The following DOCK7 variants were observed in gnomAD, a reference collection of about 807,000 sequenced individuals.
The protein encoded by DOCK7 is dedicator of cytokinesis protein 7.
DOCK7 carries 138 observed loss-of-function variants against 271.0 expected under a neutral mutation model. The observed-to-expected ratio is 0.51, with a 90% confidence interval of 0.44 to 0.59. The LOEUF is 0.59. Ranked by LOEUF, DOCK7 falls within the 20% of genes least tolerant of loss-of-function variation. The probability of loss-of-function intolerance (pLI) is 0.00; values close to 1 mark genes in which losing one functional copy is unlikely to be tolerated. For synonymous variants in DOCK7, 823 were observed against 876.1 expected (o/e 0.94, Z 1.07); for missense variants, 2,066 against 2,592.4 (o/e 0.80, Z 4.41).
intron 41 of DOCK7, 172 bp downstream of exon 41, chr1:62,492,532 C>T (rs966725792): frequency 1.5e-6 from 1 of 667,120 alleles, no homozygotes; most frequent in African/African-American, 1.9e-5. Flanking sequence ...AAGCAATCCT[C>T]CCGTCTTAGC....
rs781323343 is a variant in DOCK7, at chr1:62,528,288, C to T, written c.3799G>A (p.Gly1267Arg). ...YDFTETHNQR[G>R]RPICIATDDY... is the part of the protein sequence containing the mutation. ...TCAGTGGCTATACAAATTGGTCTTC[C>T]TCGTTGATTGTGAGTTTCTAAAGAA... is the stretch of plus-strand genomic sequence containing the variant. Residue 1267 changes from glycine (G) to arginine (R), a missense_variant, in exon 31 of 50, where the codon GGA (glycine) becomes AGA (arginine). Physicochemically the swap from Gly to Arg is moderately radical, Grantham distance 125. This residue lies in a region of DOCK7 where 1,414 missense variants were observed against 1,670.4 expected (regional missense o/e 0.85). Coordinates refer to ENST00000635253, the MANE Select transcript of DOCK7 (RefSeq NM_001367561.1). 3.7e-6 allele frequency: 6 copies of T among 1,610,580 alleles called. No homozygotes were observed. The South Asian group carries it at 5.6e-5, about 15-fold the overall frequency.
rs1298074739 is a variant in DOCK7 at position 62,648,127 on chromosome 1, A to G, written c.711T>C (p.Ala237=). The change falls in exon 6 of 50, where the codon GCT becomes GCC. Residue 237 remains alanine, a synonymous_variant. Transcript: ENST00000635253. Reference sequence around the variant, plus strand: ...ATACCTCATCTGGTGATGGATGCAAAGCAAAAAGTTCTTTGTGACGGTTTG... The same window carrying G: ...ATACCTCATCTGGTGATGGATGCAAGGCAAAAAGTTCTTTGTGACGGTTTG... ...RKSNRHKELF[A]LHPSPDEEEP... The G allele has an allele frequency of 6.2e-7, 1 of 1,613,226 alleles. No individual in the cohort carries two copies. The highest frequency in any genetic ancestry group is 1.3e-5 in the African/African-American group (1 of 74,918).
Position 62,496,494 on chromosome 1 carries a change from A to T in DOCK7, c.4768T>A (p.Phe1590Ile). 6.2e-7 allele frequency: 1 copy of T among 1,611,722 alleles called. No homozygotes were observed. Reference sequence around the variant, plus strand: ...GTTACCTGCATTTTAACCCTGGCAAAGTTCTGTAACAGAGAAATTGTCCAG... The same window carrying T: ...GTTACCTGCATTTTAACCCTGGCAATGTTCTGTAACAGAGAAATTGTCCAG... ...MRQNFEIGNN[F>I]ARVKMQVTMS... Residue 1590 changes from phenylalanine (F) to isoleucine (I), a missense_variant, in exon 38 of 50, where the codon TTT becomes ATT. Transcript: ENST00000635253.
chr1:62,687,873 T>G (rs1031259157), intron 1 of DOCK7, among the ~76,000 whole-genome samples: 5 of 150,052 alleles, frequency 3.3e-5, no homozygotes, highest in East Asian at 2.0e-4. Context: ...AGCCCGGGGG[T>G]GGGAACACAA....
At chr1:62,494,042 T>C (rs994750379) in intron 40 of DOCK7, among the ~76,000 whole-genome samples, 1 of 152,170 alleles carries the variant, frequency 6.6e-6, no homozygotes, top group African/African-American at 2.4e-5. Flanking sequence ...AGAGAATAAA[T>C]AAGCATAGTG....
intron 1 of DOCK7, among the ~76,000 whole-genome samples, chr1:62,673,972 G>A (rs1236145411): frequency 6.6e-6 from 1 of 151,442 alleles, no homozygotes; most frequent in Non-Finnish European, 1.5e-5. Context: ...AGGTAGGGAG[G>A]GATGGATTAA....
chr1:62,684,802 C>G (rs1661550191), intron 1 of DOCK7, among the ~76,000 whole-genome samples: 1 of 152,230 alleles, frequency 6.6e-6, no homozygotes, highest in Non-Finnish European at 1.5e-5. Flanking sequence ...CTATGGTGAG[C>G]TGAAGTAAAC....
chr1:62,579,923 T>C (rs763874986), intron 16 of DOCK7, among the ~76,000 whole-genome samples: 1 of 152,082 alleles, frequency 6.6e-6, no homozygotes. Context: ...AATATCTTGT[T>C]TGACCAAACC....
intron 1 of DOCK7, among the ~76,000 whole-genome samples, chr1:62,686,538 T>C (rs1243346902): frequency 2.0e-5 from 3 of 151,848 alleles, no homozygotes; most frequent in Non-Finnish European, 2.9e-5. Flanking sequence ...ACCTAATTAT[T>C]TTACAAAAAA....
chr1:62,663,840 G>A (rs1658962252), intron 1 of DOCK7, among the ~76,000 whole-genome samples: 1 of 152,142 alleles, frequency 6.6e-6, no homozygotes, highest in South Asian at 2.1e-4. Flanking sequence ...TACTGAATTA[G>A]CTCAACCTTT....
At chr1:62,642,490 C>T (rs1656158792) in intron 7 of DOCK7, among the ~76,000 whole-genome samples, 1 of 152,110 alleles carries the variant, frequency 6.6e-6, no homozygotes, top group Non-Finnish European at 1.5e-5. Context: ...AGTTTTTCTC[C>T]TTTGCCTATA....
At position 62,491,457 on chromosome 1, in the gene DOCK7, C is replaced by T. The variant is rs573894321; in HGVS notation, c.5361+1247G>A. 1.1e-3 allele frequency among the ~76,000 whole-genome samples: 162 copies of T among 152,366 alleles called. 3 individuals are homozygous for T. The South Asian group carries it at 0.019, about 18-fold the overall frequency. ...GCATGAATTCAGCTAACTATCTTTT[C>T]TTTCTCCAATAAACATCCCATCTGG... On this transcript the variant is annotated intron_variant, in intron 41 of 49. Coordinates refer to ENST00000635253, the MANE Select transcript of DOCK7 (RefSeq NM_001367561.1).
chr1:62,676,472 A>C (rs978853800), intron 1 of DOCK7, among the ~76,000 whole-genome samples: 3 of 152,234 alleles, frequency 2.0e-5, no homozygotes, highest in African/African-American at 7.2e-5. Context: ...CTGTTAATTT[A>C]CTAAAAATCA....
intron 14 of DOCK7, chr1:62,604,245 T>C (rs1311699486): frequency 6.2e-7 from 1 of 1,612,474 alleles, no homozygotes; most frequent in East Asian, 2.2e-5. Flanking sequence ...GGTATCTTTT[T>C]CTGATACCAA....
At chr1:62,658,534 A>C (rs1358217354) in intron 2 of DOCK7, among the ~76,000 whole-genome samples, 1 of 152,212 alleles carries the variant, frequency 6.6e-6, no homozygotes, top group Admixed American at 6.5e-5. Context: ...GGAGGAAAAA[A>C]TTCAACCTAG....
At chr1:62,570,733 G>C (rs144434158) in intron 18 of DOCK7, among the ~76,000 whole-genome samples, 8 of 152,178 alleles carry the variant, frequency 5.3e-5, no homozygotes, top group African/African-American at 1.9e-4. Flanking sequence ...ACAGAATAGA[G>C]AACTTAGAAA....
At chr1:62,601,305 T>C in intron 14 of DOCK7, 1 of 789,868 alleles carries the variant, frequency 1.3e-6, no homozygotes, top group Non-Finnish European at 2.2e-6. Context: ...TCAAATACAA[T>C]GTATCAACCT....
At chr1:62,508,631 G>C (rs1433433342) in intron 34 of DOCK7, among the ~76,000 whole-genome samples, 1 of 152,098 alleles carries the variant, frequency 6.6e-6, no homozygotes, top group Non-Finnish European at 1.5e-5. Context: ...GAATATGCTA[G>C]TTAGCTTGCC....
rs562025879 is a variant in DOCK7 at position 62,648,302 on chromosome 1, C to T, written c.536G>A (p.Arg179His). 36 of 1,610,788 alleles carry T rather than the reference C, an allele frequency of 2.2e-5. No homozygotes were observed. The highest frequency in any genetic ancestry group is 1.7e-4 in the Middle Eastern group (1 of 6,050). Reference protein sequence around the residue: ...YQDDQDDLKRRSMSIDDTPRG... With the variant: ...YQDDQDDLKRHSMSIDDTPRG... The stretch of plus-strand genomic sequence containing the variant: ...TGGGGTATCATCTATTGACATTGAA[C>T]GTCTTTTAAGGTCATCCTGTCATGC... The change falls in exon 6 of 50, where the codon CGT becomes CAT. Residue 179 changes from arginine (R) to histidine (H), a missense_variant. Arg to His is a conservative substitution (Grantham distance 29). Around this residue, in one of 2 missense-constraint regions of DOCK7, gnomAD observed 1,414 missense variants for 1,670.4 expected, o/e 0.85. Coordinates refer to ENST00000635253, the MANE Select transcript of DOCK7 (RefSeq NM_001367561.1).
Sources: gnomAD v4.1 joint callset for allele counts (sites outside exome capture counted in the v4.1 genomes callset) on GRCh38, gnomAD v4.1.1 for gene constraint, gnomAD v4.1.1 regional missense constraint, MANE v1.5 for transcripts, NCBI Gene and HGNC (gene_info 2026-07-23, HGNC 2026-07-21) for gene names.